The following GABRG3 variants were observed in gnomAD, a reference collection of about 807,000 sequenced individuals.
The protein encoded by GABRG3 is gamma-aminobutyric acid type A receptor subunit gamma3, also known as gamma-aminobutyric acid receptor subunit gamma-3.
A neutral mutation model predicts 48.8 loss-of-function variants in GABRG3; 25 were observed. The ratio of observed to expected loss-of-function variants is 0.51; its 90% confidence interval spans 0.37 to 0.72. The LOEUF (loss-of-function observed/expected upper bound fraction) is 0.72. GABRG3 is among the 30% of genes least tolerant of loss of function. The pLI is 0.00. For missense variants in GABRG3, 394 were observed against 577.9 expected (o/e 0.68, Z 3.26); for synonymous variants, 227 against 217.6 (o/e 1.04, Z -0.38).
intron 6 of GABRG3, among the ~76,000 whole-genome samples, chr15:27,518,375 A>AG (rs1891078485): frequency 6.6e-6 from 1 of 151,596 alleles, no homozygotes; most frequent in Admixed American, 6.6e-5. Flanking sequence ...GTCTCAAAAA[A>AG]AAAAAAATGG....
intron 3 of GABRG3, among the ~76,000 whole-genome samples, chr15:27,052,572 C>G (rs1896473987): frequency 6.6e-6 from 1 of 152,056 alleles, no homozygotes; most frequent in African/African-American, 2.4e-5. Context: ...CCTGCTGCTT[C>G]TAAAACACAC....
At chr15:27,051,422 A>G (rs1433037300) in intron 3 of GABRG3, among the ~76,000 whole-genome samples, 1 of 152,178 alleles carries the variant, frequency 6.6e-6, no homozygotes, top group Non-Finnish European at 1.5e-5. Context: ...TGTGGACTGA[A>G]TTTTGTGTCT....
chr15:27,354,225 G>A (rs1894755993), intron 5 of GABRG3, among the ~76,000 whole-genome samples: 1 of 152,184 alleles, frequency 6.6e-6, no homozygotes, highest in South Asian at 2.1e-4. Context: ...TTCACACATA[G>A]AAAACTGACA....
chr15:27,246,348 G>C (rs1281123784), intron 3 of GABRG3, among the ~76,000 whole-genome samples: 5 of 152,118 alleles, frequency 3.3e-5, no homozygotes, highest in African/African-American at 1.2e-4. Context: ...TGGACTAGAA[G>C]GGAGAATGTT....
chr15:27,200,659 C>T (rs1198898385), intron 3 of GABRG3, among the ~76,000 whole-genome samples: 7 of 152,108 alleles, frequency 4.6e-5, no homozygotes, highest in Admixed American at 2.0e-4. Flanking sequence ...ATCCTTGGGA[C>T]GTGTGGACCA....
At chr15:27,148,723 G>A (rs208161) in intron 3 of GABRG3, among the ~76,000 whole-genome samples, 36,214 of 151,852 alleles carry the variant, frequency 0.24, 5,695 homozygotes, top group Non-Finnish European at 0.34. Context: ...GTAATACTCT[G>A]TATTCATAGA....
chr15:26,990,016 A>G (rs1895218954), intron 2 of GABRG3, among the ~76,000 whole-genome samples: 1 of 152,202 alleles, frequency 6.6e-6, no homozygotes, highest in Non-Finnish European at 1.5e-5. Flanking sequence ...TTCTTTATCC[A>G]TTCATCTGTT....
At chr15:27,001,796 C>A (rs60579567) in intron 2 of GABRG3, among the ~76,000 whole-genome samples, 8,127 of 151,710 alleles carry the variant, frequency 0.054, 293 homozygotes, top group East Asian at 0.18. Flanking sequence ...CCAAGGCAGT[C>A]CTTGAATCTG....
chr15:27,140,963 A>C (rs1462925078), intron 3 of GABRG3, among the ~76,000 whole-genome samples: 3 of 152,154 alleles, frequency 2.0e-5, no homozygotes, highest in Non-Finnish European at 4.4e-5. Context: ...GTCGTCCTTC[A>C]TATTTTCTCG....
At chr15:26,995,720 A>G (rs1452116489) in intron 2 of GABRG3, among the ~76,000 whole-genome samples, 1 of 152,100 alleles carries the variant, frequency 6.6e-6, no homozygotes. Context: ...AGATTATACA[A>G]ACTTAATTCC....
rs1383720793 is a variant in GABRG3 at position 27,533,034 on chromosome 15, G to C, written c.*153G>C. The C allele has an allele frequency of 4.6e-6, 3 of 658,102 alleles. No individual in the cohort carries two copies. In the Admixed American group the frequency reaches 8.8e-5, roughly 19 times the overall value. The allele number at this position is 658,102 out of a possible 1,614,324, so 40.8% of individuals were successfully genotyped here. A position where few individuals can be genotyped will look rare whatever the true frequency, so the allele number is the denominator to read the frequency against. ...CTTTCAGCAACACAGGAAGTACCCA[G>C]CAAAGGTTTCTATTATGTATTTTAC... On this transcript the variant is annotated 3_prime_UTR_variant, in exon 10 of 10. Transcript: ENST00000615808.
At position 27,236,129 on chromosome 15, in the gene GABRG3, A is replaced by T. The variant is rs1595603730; in HGVS notation, c.271-90680A>T. Among the ~76,000 whole-genome samples the T allele has an allele frequency of 6.6e-6, 1 of 152,158 alleles. No individual in the cohort carries two copies. The highest frequency in any genetic ancestry group is 2.4e-5 in the African/African-American group (1 of 41,426). ...TTTTGGCTGGTGTGTCCTGAGCCCCATCAGATCCATGGTACAGACCCAGAA... is the reference window on the plus strand; with the variant it reads ...TTTTGGCTGGTGTGTCCTGAGCCCCTTCAGATCCATGGTACAGACCCAGAA... On this transcript the variant is annotated intron_variant, in intron 3 of 9. Transcript: ENST00000615808. This position sits in a 1 kb window ranked among gnomAD's most constrained non-coding sequence, Gnocchi z 4.4.
intron 3 of GABRG3, among the ~76,000 whole-genome samples, chr15:27,298,750 A>C (rs1595650760): frequency 6.6e-6 from 1 of 151,972 alleles, no homozygotes; most frequent in African/African-American, 2.4e-5. Context: ...GGTTTGTTAC[A>C]TAAGTATATA....
At chr15:27,380,360 A>G (rs1163173315) in intron 5 of GABRG3, among the ~76,000 whole-genome samples, 2 of 151,432 alleles carry the variant, frequency 1.3e-5, no homozygotes, top group African/African-American at 4.8e-5. Flanking sequence ...GATAATCCCA[A>G]CATCTCTGCT....
chr15:27,424,154 G>C (rs951124539), intron 5 of GABRG3, among the ~76,000 whole-genome samples: 1 of 152,052 alleles, frequency 6.6e-6, no homozygotes, highest in Non-Finnish European at 1.5e-5. Flanking sequence ...TGGGGTCCCT[G>C]GGCCACTTCA....
At chr15:27,346,847 T>C (rs564942180) in intron 5 of GABRG3, among the ~76,000 whole-genome samples, 22 of 152,324 alleles carry the variant, frequency 1.4e-4, no homozygotes, top group Admixed American at 3.9e-4. Flanking sequence ...TTATTTACTA[T>C]TTCCATTAGA....
At chr15:27,501,906 G>C (rs1595796328) in intron 6 of GABRG3, among the ~76,000 whole-genome samples, 1 of 152,010 alleles carries the variant, frequency 6.6e-6, no homozygotes. Context: ...CAGCTTTTAG[G>C]GGACAGCACT....
chr15:27,272,157 C>T (rs1371985917), intron 3 of GABRG3, among the ~76,000 whole-genome samples: 1 of 152,256 alleles, frequency 6.6e-6, no homozygotes, highest in Admixed American at 6.5e-5. Context: ...TTTCTTCCCT[C>T]TTTCTTATAC....
intron 6 of GABRG3, among the ~76,000 whole-genome samples, chr15:27,501,147 T>C (rs920128004): frequency 2.0e-5 from 3 of 152,010 alleles, no homozygotes; most frequent in Non-Finnish European, 4.4e-5. Flanking sequence ...GAGACAGGGT[T>C]TCACCGTGTT....
Sources: allele counts gnomAD v4.1 joint callset (sites outside exome capture counted in the v4.1 genomes callset), GRCh38; gene constraint gnomAD v4.1.1; non-coding constraint Gnocchi (gnomAD v3.1); transcripts MANE v1.5; gene names NCBI Gene and HGNC (gene_info 2026-07-23, HGNC 2026-07-21).